ABHD17B: variants seen among roughly 807,000 people sequenced by gnomAD.
ABHD17B encodes the protein abhydrolase domain containing 17B, depalmitoylase, also known as alpha/beta hydrolase domain-containing protein 17B.
ABHD17B carries 9 observed loss-of-function variants against 26.2 expected under a neutral mutation model. That is an observed-to-expected ratio of 0.34 (90% confidence interval 0.21 to 0.60). The LOEUF (loss-of-function observed/expected upper bound fraction) is 0.60, where lower values mean the gene tolerates loss of function less well. ABHD17B is among the 20% of genes least tolerant of loss of function. The pLI, the probability that ABHD17B is intolerant of heterozygous loss-of-function variation, is 0.80. For missense variants in ABHD17B, 224 were observed against 352.1 expected (o/e 0.64, Z 2.91); for synonymous variants, 127 against 122.3 (o/e 1.04, Z -0.25).
downstream of ABHD17B, chr9:71,862,630 T>G (rs757785109): frequency 2.0e-5 from 20 of 998,772 alleles, no homozygotes; most frequent in African/African-American, 1.6e-4. Flanking sequence ...GGGATTAGGC[T>G]ATATCATCTC....
At position 71,911,146 on chromosome 9, in the gene ABHD17B, G is replaced by C. The variant is rs904839269; in HGVS notation, c.-516C>G. ...AGCGGGAGGAAGACTGGAGGGGAAC[G>C]GAGGGGACGAGCACAATCCCCACTG... is the stretch of plus-strand genomic sequence containing the variant. On this transcript the variant is annotated 5_prime_UTR_variant, in exon 1 of 4. Coordinates refer to ENST00000333421, the MANE Select transcript of ABHD17B (RefSeq NM_001025780.3). 2.0e-5 allele frequency among the ~76,000 whole-genome samples: 3 copies of C among 152,184 alleles called. No homozygotes were observed. Among genetic ancestry groups the C allele is most frequent in the South Asian group, 2.1e-4 (1 of 4,822 alleles).
intron 2 of ABHD17B, among the ~76,000 whole-genome samples, chr9:71,871,083 C>T (rs911763775): frequency 2.6e-5 from 4 of 152,226 alleles, no homozygotes; most frequent in Admixed American, 6.5e-5. Context: ...TACAGTGCTA[C>T]CTGAGCTAAT....
At chr9:71,867,120 G>C in intron 3 of ABHD17B, 114 bp from the exon 4 acceptor site, 3 of 1,303,836 alleles carry the variant, frequency 2.3e-6, no homozygotes, top group Non-Finnish European at 3.1e-6. Context: ...AATCAGTTCA[G>C]AAGGTAAGAA....
At chr9:71,864,646 C>T (rs911017077), downstream of ABHD17B, among the ~76,000 whole-genome samples, 3 of 152,138 alleles carry the variant, frequency 2.0e-5, no homozygotes, top group African/African-American at 7.2e-5. Context: ...CAAAACTTAG[C>T]TGAAATACCA....
At chr9:71,870,654 A>G (rs1032605257) in intron 2 of ABHD17B, among the ~76,000 whole-genome samples, 4 of 152,206 alleles carry the variant, frequency 2.6e-5, no homozygotes, top group African/African-American at 9.6e-5. Flanking sequence ...CAGTGTAACA[A>G]AAGTTATTTA....
intron 1 of ABHD17B, among the ~76,000 whole-genome samples, chr9:71,889,794 C>A (rs1251372314): frequency 1.3e-5 from 2 of 148,412 alleles, no homozygotes; most frequent in East Asian, 2.0e-4. Flanking sequence ...AACAAACAAA[C>A]AAAAAAACAC....
intron 1 of ABHD17B, among the ~76,000 whole-genome samples, chr9:71,875,923 G>GA (rs1039321522): frequency 2.0e-5 from 3 of 152,222 alleles, no homozygotes; most frequent in Non-Finnish European, 2.9e-5. Flanking sequence ...TGCACAAGAT[G>GA]AGGCAGTGGT....
downstream of ABHD17B, among the ~76,000 whole-genome samples, chr9:71,864,905 T>C (rs1029295526): frequency 2.0e-5 from 3 of 152,154 alleles, no homozygotes; most frequent in Admixed American, 1.3e-4. Flanking sequence ...ACTGAATGAA[T>C]AGGATCAATA....
chr9:71,870,324 T>C (rs1276698628), intron 2 of ABHD17B, 62 bp from the exon 3 acceptor site: 1 of 1,420,458 alleles, frequency 7.0e-7, no homozygotes, highest in African/African-American at 1.4e-5. Context: ...AAATGTTCCA[T>C]CATTCCAAAG....
chr9:71,891,621 C>T (rs545357544), intron 1 of ABHD17B, among the ~76,000 whole-genome samples: 68 of 152,120 alleles, frequency 4.5e-4, no homozygotes, highest in African/African-American at 1.6e-3. Flanking sequence ...GCCTATTGAC[C>T]CAGAAGGCCT....
In ABHD17B at chr9:71,904,752, A is replaced by G. The variant is rs146866691; in HGVS notation, c.-4+5882T>C. ...AAAAAACAGGTAAAGTAAAAAAGAGAAAAGTTGGAATGAAAGAGGTGTCAA... is the reference window on the plus strand; with the variant it reads ...AAAAAACAGGTAAAGTAAAAAAGAGGAAAGTTGGAATGAAAGAGGTGTCAA... On this transcript the variant is annotated intron_variant, in intron 1 of 3. Transcript: ENST00000333421. Among the ~76,000 whole-genome samples, 409 of 152,344 alleles carry G rather than the reference A, an allele frequency of 2.7e-3. 2 individuals carry two copies. The highest frequency in any genetic ancestry group is 8.8e-3 in the African/African-American group (364 of 41,586).
At chr9:71,881,204 T>C (rs954778706) in intron 1 of ABHD17B, among the ~76,000 whole-genome samples, 5 of 152,234 alleles carry the variant, frequency 3.3e-5, no homozygotes, top group African/African-American at 1.2e-4. Context: ...TATGGTCAGT[T>C]GATTTTTGAC....
At chr9:71,908,778 C>T (rs968982392) in intron 1 of ABHD17B, among the ~76,000 whole-genome samples, 3 of 152,136 alleles carry the variant, frequency 2.0e-5, no homozygotes, top group Admixed American at 2.0e-4. Flanking sequence ...AAAAAGTATT[C>T]TCATTTAACT....
intron 1 of ABHD17B, among the ~76,000 whole-genome samples, chr9:71,888,858 A>C (rs1826689640): frequency 6.6e-6 from 1 of 152,154 alleles, no homozygotes; most frequent in African/African-American, 2.4e-5. Context: ...GGCAACTGAA[A>C]CTGCTGTAAA....
Position 71,866,507 on chromosome 9 carries a change from G to C in ABHD17B, c.*280C>G, listed in dbSNP as rs1012688141. 4.1e-5 allele frequency: 46 copies of C among 1,122,906 alleles called. No homozygotes were observed. The highest frequency in any genetic ancestry group is 4.7e-5 in the Non-Finnish European group (43 of 916,522). 69.6% of individuals were successfully genotyped at this position (1,122,906 alleles called of 1,614,324 possible). ...ATTTGGCAATACTTTTACAGCATTT[G>C]ATTTTATAGAATTAAAATCTCATAC... On this transcript the variant is annotated 3_prime_UTR_variant, in exon 4 of 4. Coordinates refer to ENST00000333421, the MANE Select transcript of ABHD17B (RefSeq NM_001025780.3).
chr9:71,888,923 C>CTCATTATT (rs1826692012), intron 1 of ABHD17B, among the ~76,000 whole-genome samples: 1 of 151,708 alleles, frequency 6.6e-6, no homozygotes, highest in South Asian at 2.1e-4. Flanking sequence ...AATACTACTA[C>CTCATTATT]TGTATGCAAA....
intron 1 of ABHD17B, among the ~76,000 whole-genome samples, chr9:71,891,759 A>T (rs541707426): frequency 3.7e-4 from 56 of 152,300 alleles, no homozygotes; most frequent in Non-Finnish European, 1.3e-4. Context: ...TCTCTCTCTC[A>T]CACACACTCA....
At chr9:71,862,507 T>C (rs1018019333), downstream of ABHD17B, 10 of 1,521,152 alleles carry the variant, frequency 6.6e-6, no homozygotes, top group Non-Finnish European at 2.7e-6. Flanking sequence ...GGTATATTAA[T>C]CCAGTTAAGT....
At chr9:71,868,822 G>A (rs1018586991) in intron 3 of ABHD17B, among the ~76,000 whole-genome samples, 1 of 152,118 alleles carries the variant, frequency 6.6e-6, no homozygotes, top group Non-Finnish European at 1.5e-5. Context: ...TCGAGTAGCT[G>A]GGATTACAGG....
Sources: allele counts gnomAD v4.1 joint callset (sites outside exome capture counted in the v4.1 genomes callset), GRCh38; gene constraint gnomAD v4.1.1; transcripts MANE v1.5; gene names NCBI Gene and HGNC (gene_info 2026-07-23, HGNC 2026-07-21).